Variants in ASTN2 observed in about 807,000 individuals in gnomAD.
The protein encoded by ASTN2 is astrotactin 2, also known as astrotactin-2.
ASTN2 carries 54 observed loss-of-function variants against 139.8 expected under a neutral mutation model. That is an observed-to-expected ratio of 0.39 (90% CI 0.31 to 0.48). ASTN2 has a LOEUF of 0.48. ASTN2 is among the 20% of genes least tolerant of loss of function. The pLI, the probability that ASTN2 is intolerant of heterozygous loss-of-function variation, is 0.95. For synonymous variants in ASTN2, 756 were observed against 719.5 expected (o/e 1.05, Z -0.81); for missense variants, 1,565 against 1,725.1 (o/e 0.91, Z 1.64).
chr9:117,102,715 A>G (rs1019054310), intron 4 of ASTN2, among the ~76,000 whole-genome samples: 1 of 151,634 alleles, frequency 6.6e-6, no homozygotes, highest in Non-Finnish European at 1.5e-5. Flanking sequence ...AGAGACGGGG[A>G]TTCACCGTGT....
intron 1 of ASTN2, among the ~76,000 whole-genome samples, chr9:117,344,705 C>T (rs1829162576): frequency 6.6e-6 from 1 of 152,028 alleles, no homozygotes; most frequent in Non-Finnish European, 1.5e-5. Flanking sequence ...CATCCTTGAG[C>T]CTAAAGCTAA....
intron 16 of ASTN2, among the ~76,000 whole-genome samples, chr9:116,675,183 GT>G (rs1263156155): frequency 2.6e-5 from 4 of 152,190 alleles, no homozygotes; most frequent in African/African-American, 9.7e-5. Context: ...TACTCTATTG[GT>G]GGGGTACTGC....
chr9:117,202,871 T>G (rs1831773884), intron 3 of ASTN2, among the ~76,000 whole-genome samples: 1 of 152,170 alleles, frequency 6.6e-6, no homozygotes, highest in Admixed American at 6.5e-5. Flanking sequence ...TGAATTTGCA[T>G]GCTAGCATGT....
At chr9:116,427,414 G>C (rs746119710) in intron 22 of ASTN2, among the ~76,000 whole-genome samples, 1 of 152,176 alleles carries the variant, frequency 6.6e-6, no homozygotes, top group Admixed American at 6.5e-5. Flanking sequence ...CTTAGAGAAG[G>C]AATAGAATAT....
chr9:117,253,091 G>T (rs1381813900), intron 2 of ASTN2, among the ~76,000 whole-genome samples: 1 of 152,130 alleles, frequency 6.6e-6, no homozygotes, highest in East Asian at 1.9e-4. Context: ...TTTCCTGTCT[G>T]ATATATTGGG....
Position 116,458,069 on chromosome 9 carries a change from A to T in ASTN2, c.3498-15516T>A, listed in dbSNP as rs539122058. 2.6e-5 allele frequency among the ~76,000 whole-genome samples: 4 copies of T among 152,132 alleles called. No individual in the cohort carries two copies. The South Asian group carries it at 8.3e-4, about 32-fold the overall frequency. On this transcript the variant is annotated intron_variant, in intron 20 of 22. Coordinates refer to ENST00000313400, the MANE Select transcript of ASTN2 (RefSeq NM_001365068.1). ...GAAACAACATGGATGGAACTGGAGG[A>T]CATTATGTTAAGTGAAATAAGCCAG...
At chr9:117,293,817 C>T (rs766178616) in intron 1 of ASTN2, among the ~76,000 whole-genome samples, 1 of 152,204 alleles carries the variant, frequency 6.6e-6, no homozygotes, top group Non-Finnish European at 1.5e-5. Context: ...AACCAGAGGT[C>T]CAGGGAACCC....
intron 19 of ASTN2, among the ~76,000 whole-genome samples, chr9:116,503,043 A>T (rs1216352674): frequency 2.0e-5 from 3 of 148,772 alleles, no homozygotes; most frequent in Non-Finnish European, 4.5e-5. Context: ...GGAAGGAAAG[A>T]AGAAGGGAAG....
intron 3 of ASTN2, among the ~76,000 whole-genome samples, chr9:117,190,956 C>T (rs990117863): frequency 8.2e-4 from 124 of 151,998 alleles, no homozygotes; most frequent in African/African-American, 2.9e-3. Flanking sequence ...ATCTTCAGTG[C>T]CTTAAATAGT....
At position 116,698,657 on chromosome 9, in the gene ASTN2, T is replaced by C. The variant is rs987876914; in HGVS notation, c.2806+27114A>G. ...AGCCCCGGACAGTTAACGTGGAAGA[T>C]TCCTGGGCCATGGAGGCCACAGCGT... On this transcript the variant is annotated intron_variant, in intron 16 of 22. Coordinates refer to ENST00000313400, the MANE Select transcript of ASTN2 (RefSeq NM_001365068.1). This position sits in a 1 kb window ranked among gnomAD's most constrained non-coding sequence, Gnocchi z 4.4. 1.2e-6 allele frequency: 2 copies of C among 1,614,152 alleles called. No individual in the cohort carries two copies. Among genetic ancestry groups the C allele is most frequent in the Non-Finnish European group, 1.7e-6 (2 of 1,180,020 alleles).
intron 10 of ASTN2, among the ~76,000 whole-genome samples, chr9:116,935,956 T>A (rs1835055158): frequency 6.6e-6 from 1 of 151,358 alleles, no homozygotes; most frequent in South Asian, 2.1e-4. Context: ...AGATGTTGAG[T>A]AACTTGCCTG....
At chr9:116,841,186 C>T (rs2132305097) in intron 11 of ASTN2, among the ~76,000 whole-genome samples, 1 of 152,330 alleles carries the variant, frequency 6.6e-6, no homozygotes, top group Middle Eastern at 3.4e-3. Context: ...ACCAGCCCGG[C>T]CAACACAGCG....
intron 13 of ASTN2, among the ~76,000 whole-genome samples, chr9:116,777,788 C>A (rs1051003176): frequency 6.6e-6 from 1 of 152,230 alleles, no homozygotes; most frequent in East Asian, 1.9e-4. Flanking sequence ...AATGCAGATT[C>A]TAATTTAGTG....
intron 16 of ASTN2, among the ~76,000 whole-genome samples, chr9:116,693,615 A>C (rs958783159): frequency 6.6e-6 from 1 of 152,148 alleles, no homozygotes; most frequent in Non-Finnish European, 1.5e-5. Flanking sequence ...ATGAGGTGGG[A>C]GGTCAAGAAT....
rs1240810663 is a variant in ASTN2 at position 117,277,094 on chromosome 9, T to C, written c.630+14232A>G. ...GTCCTCTTCCCCCCTCACTGCTCTA[T>C]GTGTGTCCCTCCCAAAGCTGTATGC... On this transcript the variant is annotated intron_variant, in intron 2 of 22. Transcript: ENST00000313400. 2.0e-5 allele frequency: 3 copies of C among 152,186 alleles called. No individual in the cohort carries two copies. In the East Asian group the frequency reaches 5.8e-4, roughly 29 times the overall value. The allele number at this position is 152,186 out of a possible 1,614,324, so 9.4% of individuals were successfully genotyped here. A position where few individuals can be genotyped will look rare whatever the true frequency, so the allele number is the denominator to read the frequency against.
chr9:116,792,585 G>A lies in ASTN2; in HGVS notation c.2396+13047C>T, dbSNP rs115878661. ...CCCTGTGCCCATCAGATAGCAGAGCGGATGAACACAAAATAACCTTTGCTA... is the reference window on the plus strand; with the variant it reads ...CCCTGTGCCCATCAGATAGCAGAGCAGATGAACACAAAATAACCTTTGCTA... On this transcript the variant is annotated intron_variant, in intron 13 of 22. Coordinates refer to ENST00000313400, the MANE Select transcript of ASTN2 (RefSeq NM_001365068.1). Among the ~76,000 whole-genome samples the A allele has an allele frequency of 5.1e-3, 773 of 152,242 alleles. 7 individuals carry two copies. The highest frequency in any genetic ancestry group is 0.018 in the African/African-American group (740 of 41,522).
At chr9:117,286,230 CA>C (rs1196717185) in intron 2 of ASTN2, among the ~76,000 whole-genome samples, 1 of 151,342 alleles carries the variant, frequency 6.6e-6, no homozygotes, top group Non-Finnish European at 1.5e-5. Context: ...ATGGCAATGG[CA>C]ACAAAAAGCA....
chr9:116,485,392 A>C (rs1011146990), intron 20 of ASTN2, among the ~76,000 whole-genome samples: 1 of 152,236 alleles, frequency 6.6e-6, no homozygotes, highest in Non-Finnish European at 1.5e-5. Context: ...GAAGCCATCT[A>C]TCAGAAAATC....
chr9:116,592,805 T>A (rs1854429148), intron 19 of ASTN2, among the ~76,000 whole-genome samples: 1 of 152,168 alleles, frequency 6.6e-6, no homozygotes. Context: ...TAGATGGGAA[T>A]CTCAAGATCA....
Sources: allele counts gnomAD v4.1 joint callset (sites outside exome capture counted in the v4.1 genomes callset), GRCh38; gene constraint gnomAD v4.1.1; non-coding constraint Gnocchi (gnomAD v3.1); transcripts MANE v1.5; gene names NCBI Gene and HGNC (gene_info 2026-07-23, HGNC 2026-07-21).